Variants in CBLB observed in about 807,000 individuals in gnomAD.
CBLB encodes Cbl proto-oncogene B, also known as E3 ubiquitin-protein ligase CBL-B.
Under a neutral mutation model 104.9 loss-of-function variants are expected in CBLB, and 31 were observed. That is an observed-to-expected ratio of 0.30 (90% CI 0.22 to 0.40). The LOEUF is 0.40. Ranked by LOEUF, CBLB falls within the 10% of genes least tolerant of loss-of-function variation. The pLI is 1.00. For synonymous variants in CBLB, 440 were observed against 422.6 expected (o/e 1.04, Z -0.51); for missense variants, 1,062 against 1,214.6 (o/e 0.87, Z 1.87).
chr3:105,794,967 G>C (rs2082094796), intron 3 of CBLB, among the ~76,000 whole-genome samples: 1 of 150,858 alleles, frequency 6.6e-6, no homozygotes, highest in South Asian at 2.1e-4. Context: ...CCGGGCTGGA[G>C]TGCAGTGGCG....
intron 12 of CBLB, among the ~76,000 whole-genome samples, chr3:105,700,147 T>C (rs539273600): frequency 7.9e-4 from 120 of 152,176 alleles, no homozygotes; most frequent in African/African-American, 2.9e-3. Flanking sequence ...ATACCTATAG[T>C]TAATAAAATA....
intron 13 of CBLB, among the ~76,000 whole-genome samples, chr3:105,692,261 A>C (rs966517760): frequency 6.6e-6 from 1 of 152,240 alleles, no homozygotes; most frequent in Non-Finnish European, 1.5e-5. Flanking sequence ...CTTAGTATAT[A>C]TCAAATACAG....
chr3:105,758,513 C>T (rs1466833119), intron 4 of CBLB, among the ~76,000 whole-genome samples: 1 of 152,182 alleles, frequency 6.6e-6, no homozygotes, highest in African/African-American at 2.4e-5. Flanking sequence ...CCGAGTTTTG[C>T]TCAGGCCTGC....
At chr3:105,785,471 G>A (rs1209068535) in intron 3 of CBLB, among the ~76,000 whole-genome samples, 1 of 152,032 alleles carries the variant, frequency 6.6e-6, no homozygotes, top group East Asian at 1.9e-4. Flanking sequence ...CAAGACAAAG[G>A]AAATTAATGC....
intron 17 of CBLB, chr3:105,674,117 G>A (rs1235462261): frequency 1.3e-5 from 2 of 152,176 alleles, no homozygotes; most frequent in Non-Finnish European, 2.9e-5. Context: ...TGTGAATCCG[G>A]AGAACACAAT....
intron 2 of CBLB, among the ~76,000 whole-genome samples, chr3:105,856,413 C>CAA: frequency 6.9e-6 from 1 of 145,510 alleles, no homozygotes; most frequent in Non-Finnish European, 1.5e-5. Context: ...GGGTTTTTTT[C>CAA]AGAGGGAGTA....
intron 4 of CBLB, among the ~76,000 whole-genome samples, chr3:105,766,127 CTG>C (rs998745134): frequency 6.6e-6 from 1 of 152,106 alleles, no homozygotes; most frequent in Non-Finnish European, 1.5e-5. Flanking sequence ...GAAGAAGTAA[CTG>C]TAGATGTAGA....
chr3:105,738,913 T>C (rs996993632), intron 7 of CBLB, among the ~76,000 whole-genome samples: 2 of 151,478 alleles, frequency 1.3e-5, no homozygotes, highest in African/African-American at 4.8e-5. Flanking sequence ...TGTGTTGGTA[T>C]TATTATTATT....
chr3:105,783,573 A>G (rs1285723671), intron 3 of CBLB, among the ~76,000 whole-genome samples: 1 of 152,220 alleles, frequency 6.6e-6, no homozygotes, highest in African/African-American at 2.4e-5. Context: ...CGCCAGGCTT[A>G]GTCTAGGCAC....
At chr3:105,723,542 G>GT (rs1252288255) in intron 9 of CBLB, among the ~76,000 whole-genome samples, 4 of 152,080 alleles carry the variant, frequency 2.6e-5, no homozygotes, top group African/African-American at 9.7e-5. Context: ...CATTAATACT[G>GT]TAAGTCAGTG....
chr3:105,809,173 T>C (rs1258595522), intron 3 of CBLB, among the ~76,000 whole-genome samples: 1 of 152,210 alleles, frequency 6.6e-6, no homozygotes, highest in Admixed American at 6.5e-5. Flanking sequence ...TCTTAAAACA[T>C]AACTTTGGTT....
At chr3:105,752,339 C>T (rs1433939981) in intron 4 of CBLB, among the ~76,000 whole-genome samples, 7 of 152,090 alleles carry the variant, frequency 4.6e-5, no homozygotes, top group East Asian at 3.9e-4. Context: ...ACTAGGGAAA[C>T]GTCTCTCAAC....
At chr3:105,774,886 C>T (rs956820084) in intron 4 of CBLB, among the ~76,000 whole-genome samples, 7 of 152,082 alleles carry the variant, frequency 4.6e-5, no homozygotes, top group African/African-American at 1.7e-4. Context: ...TTTCTTAAAA[C>T]TTTAAGAGAA....
intron 18 of CBLB, 62 bp from the exon 19 acceptor site, chr3:105,659,291 A>ATGCTGTTATGTTATCTTG: frequency 1.4e-6 from 2 of 1,403,720 alleles, no homozygotes; most frequent in Non-Finnish European, 2.0e-6. Context: ...AGGCAAGATA[A>ATGCTGTTATGTTATCTTG]CATAACAGCA....
intron 3 of CBLB, among the ~76,000 whole-genome samples, chr3:105,812,365 T>A (rs1386850464): frequency 1.3e-5 from 2 of 152,142 alleles, no homozygotes; most frequent in Non-Finnish European, 2.9e-5. Context: ...ATCCCACTGA[T>A]CTGTAAACTC....
At chr3:105,762,437 G>T (rs1271769560) in intron 4 of CBLB, 1 of 152,258 alleles carries the variant, frequency 6.6e-6, no homozygotes, top group African/African-American at 2.4e-5. Flanking sequence ...CTGTACCCAA[G>T]GCCTTGCTGC....
At chr3:105,694,274 G>C (rs919127993) in intron 12 of CBLB, among the ~76,000 whole-genome samples, 2 of 151,826 alleles carry the variant, frequency 1.3e-5, no homozygotes, top group Admixed American at 1.3e-4. Flanking sequence ...CTAGATTTCT[G>C]TTACACTACA....
rs183116207 is a variant in CBLB at position 105,808,012 on chromosome 3, G to C, written c.420-31470C>G. Among the ~76,000 whole-genome samples, 17 of 152,204 alleles carry C rather than the reference G, an allele frequency of 1.1e-4. No homozygotes were observed. The East Asian group carries it at 3.1e-3, about 28-fold the overall frequency. On this transcript the variant is annotated intron_variant, in intron 3 of 18. Transcript: ENST00000394030. ...TCTATGTTATAAAATTAGAAAACAA[G>C]CCACCAATAAGGAACCTAAGTTCAC...
At chr3:105,756,553 A>C (rs2077101551) in intron 4 of CBLB, among the ~76,000 whole-genome samples, 1 of 152,230 alleles carries the variant, frequency 6.6e-6, no homozygotes, top group South Asian at 2.1e-4. Context: ...TAAAAATTTA[A>C]TGTAACTCAA....
Sources: allele counts gnomAD v4.1 joint callset (sites outside exome capture counted in the v4.1 genomes callset), GRCh38; gene constraint gnomAD v4.1.1; transcripts MANE v1.5; gene names NCBI Gene and HGNC (gene_info 2026-07-23, HGNC 2026-07-21).